The following RNF149 variants were observed in gnomAD, a reference collection of about 807,000 sequenced individuals.
RNF149 encodes the protein ring finger protein 149, also known as E3 ubiquitin-protein ligase RNF149.
In RNF149, 21 loss-of-function variants were observed where a neutral mutation model predicts 39.0. The ratio of observed to expected loss-of-function variants is 0.54; its 90% CI spans 0.38 to 0.77. The LOEUF is 0.77. RNF149 is among the 30% of genes least tolerant of loss of function. RNF149 has a pLI of 0.00. For synonymous variants in RNF149, 209 were observed against 213.6 expected, an observed-to-expected ratio of 0.98 and a Z score of 0.19; for missense variants, 493 against 534.9, an observed-to-expected ratio of 0.92 and a Z score of 0.77.
intron 1 of RNF149, among the ~76,000 whole-genome samples, chr2:101,297,065 T>G (rs1476794435): frequency 1.3e-5 from 2 of 151,850 alleles, no homozygotes; most frequent in Admixed American, 6.6e-5. Context: ...AAAAATTAGC[T>G]AGGTGTGGTG....
intron 2 of RNF149, chr2:101,294,377 A>C (rs145478309): frequency 3.5e-6 from 1 of 284,596 alleles, no homozygotes; most frequent in Non-Finnish European, 6.6e-6. Flanking sequence ...TGTCTGAAGA[A>C]GCAACCACTT....
intron 1 of RNF149, among the ~76,000 whole-genome samples, chr2:101,305,947 C>T (rs923369923): frequency 1.3e-5 from 2 of 152,216 alleles, no homozygotes; most frequent in African/African-American, 4.8e-5. Context: ...GGACACTTCA[C>T]ACATCTTTAA....
Position 101,308,432 on chromosome 2 carries a change from G to T in RNF149, c.157C>A (p.Leu53Met), listed in dbSNP as rs1558800183. Reference sequence around the variant, plus strand: ...CTCTCCGAGACGCTCCACACCGTCAGGTTGGTCTGCGGGTCCACGTACTCG... The same window carrying T: ...CTCTCCGAGACGCTCCACACCGTCATGTTGGTCTGCGGGTCCACGTACTCG... ...NIEYVDPQTN[L>M]TVWSVSESGR... Residue 53 changes from leucine (L) to methionine (M), a missense_variant, in exon 1 of 7, where the codon CTG becomes ATG. By Grantham distance (15) the Leu-to-Met change is conservative. Coordinates refer to ENST00000295317, the MANE Select transcript of RNF149 (RefSeq NM_173647.4). 1.9e-6 allele frequency: 3 copies of T among 1,611,624 alleles called. No homozygotes were observed. Among genetic ancestry groups the T allele is most frequent in the South Asian group, 2.2e-5 (2 of 90,978 alleles).
At chr2:101,281,647 A>T (rs1422311174) in intron 6 of RNF149, 1 of 570,352 alleles carries the variant, frequency 1.8e-6, no homozygotes. Context: ...ACTACAGGAG[A>T]ATGCCACCAT....
chr2:101,302,655 A>G (rs1289145160), intron 1 of RNF149, among the ~76,000 whole-genome samples: 1 of 151,990 alleles, frequency 6.6e-6, no homozygotes, highest in Admixed American at 6.6e-5. Flanking sequence ...CACACAACAC[A>G]CCTTCCCCAT....
At chr2:101,280,201 A>AATGATGATG (rs145553391) in intron 6 of RNF149, among the ~76,000 whole-genome samples, 1 of 146,582 alleles carries the variant, frequency 6.8e-6, no homozygotes, top group Non-Finnish European at 1.5e-5. Flanking sequence ...TAATAATAAT[A>AATGATGATG]ATGATGATGA....
In RNF149 at chr2:101,281,940, G is replaced by A. The variant is rs1286532538; in HGVS notation, c.1078C>T (p.Pro360Ser). ...TCAGATTCAGCAGGGGAGGCTGATG[G>A]TGGACTGCTGTCATCACTTCCGTCA... ...DDDGSDDSSP[P>S]SASPAESEPQ... The change falls in exon 6 of 7, where the codon CCA becomes TCA. Residue 360 changes from proline to serine, a missense_variant. Transcript: ENST00000295317. 6.2e-7 allele frequency: 1 copy of A among 1,613,754 alleles called. No homozygotes were observed. Among genetic ancestry groups the A allele is most frequent in the Non-Finnish European group, 8.5e-7 (1 of 1,179,770 alleles).
downstream of RNF149, among the ~76,000 whole-genome samples, chr2:101,274,618 C>T (rs192777237): frequency 3.9e-5 from 6 of 152,282 alleles, no homozygotes; most frequent in East Asian, 7.7e-4. Flanking sequence ...CCCAAGGGCT[C>T]GCCATCGACA....
chr2:101,300,513 T>A (rs1558793692), intron 1 of RNF149, among the ~76,000 whole-genome samples: 1 of 152,164 alleles, frequency 6.6e-6, no homozygotes, highest in South Asian at 2.1e-4. Flanking sequence ...TATTATTTTT[T>A]AAAAACTTCC....
chr2:101,278,623 G>A (rs565990674), intron 6 of RNF149, among the ~76,000 whole-genome samples: 17 of 152,104 alleles, frequency 1.1e-4, no homozygotes, highest in South Asian at 2.1e-4. Flanking sequence ...ATTGTGGAAT[G>A]GCTAAATCAC....
downstream of RNF149, among the ~76,000 whole-genome samples, chr2:101,274,594 C>T (rs563057518): frequency 1.3e-5 from 2 of 152,164 alleles, no homozygotes; most frequent in African/African-American, 2.4e-5. Flanking sequence ...CCCCTTACCT[C>T]GAAGGAGACA....
intron 5 of RNF149, among the ~76,000 whole-genome samples, chr2:101,285,478 C>T (rs1228246884): frequency 6.6e-6 from 1 of 152,144 alleles, no homozygotes; most frequent in South Asian, 2.1e-4. Context: ...AGCACTTATA[C>T]AGCAGCTGTG....
rs530265786 is a variant in RNF149 at position 101,276,955 on chromosome 2, T to C, written c.*283A>G. The C allele has an allele frequency of 3.5e-4, 397 of 1,136,658 alleles. No individual in the cohort carries two copies. The highest frequency in any genetic ancestry group is 4.0e-4 in the Middle Eastern group (1 of 2,498). 70.4% of individuals were successfully genotyped at this position (1,136,658 alleles called of 1,614,324 possible). A position where few individuals can be genotyped will look rare whatever the true frequency, so the allele number is the denominator to read the frequency against. On this transcript the variant is annotated 3_prime_UTR_variant, in exon 7 of 7. Transcript: ENST00000295317. Reference sequence around the variant, plus strand: ...GCCAATTATTTAGAAACACCACCTGTCCTTTATATTAGAGTACCTGCCCCA... The same window carrying C: ...GCCAATTATTTAGAAACACCACCTGCCCTTTATATTAGAGTACCTGCCCCA...
intron 2 of RNF149, 116 bp from the exon 3 acceptor site, chr2:101,294,198 C>T: frequency 3.2e-6 from 2 of 629,610 alleles, no homozygotes; most frequent in Non-Finnish European, 5.7e-6. Context: ...ATTTGAAAGG[C>T]AAAGTCAAAT....
At chr2:101,301,390 C>T (rs1683446425) in intron 1 of RNF149, among the ~76,000 whole-genome samples, 1 of 151,524 alleles carries the variant, frequency 6.6e-6, no homozygotes, top group South Asian at 2.1e-4. Context: ...TGCAGCTGCA[C>T]GATTATAGCT....
intron 1 of RNF149, among the ~76,000 whole-genome samples, chr2:101,299,016 G>T (rs1249720265): frequency 3.3e-5 from 5 of 152,138 alleles, no homozygotes; most frequent in African/African-American, 4.8e-5. Flanking sequence ...AATTAGCTGG[G>T]CATGGTAGCT....
intron 1 of RNF149, among the ~76,000 whole-genome samples, chr2:101,300,697 G>C (rs1156440079): frequency 6.6e-6 from 1 of 152,028 alleles, no homozygotes; most frequent in South Asian, 2.1e-4. Context: ...TAAACATTTT[G>C]CTATATTATA....
At chr2:101,302,589 C>T (rs1230416192) in intron 1 of RNF149, among the ~76,000 whole-genome samples, 1 of 152,096 alleles carries the variant, frequency 6.6e-6, no homozygotes, top group East Asian at 1.9e-4. Context: ...AAATGCATTG[C>T]TTTATCTCAG....
chr2:101,274,478 A>C (rs1424819431), downstream of RNF149, among the ~76,000 whole-genome samples: 1 of 152,228 alleles, frequency 6.6e-6, no homozygotes, highest in African/African-American at 2.4e-5. Context: ...TCCAGTGCTC[A>C]GAGCATGGAA....
Sources: allele counts gnomAD v4.1 joint callset (sites outside exome capture counted in the v4.1 genomes callset), GRCh38; gene constraint gnomAD v4.1.1; transcripts MANE v1.5; gene names NCBI Gene and HGNC (gene_info 2026-07-23, HGNC 2026-07-21).